Variants in FUT8 observed in about 807,000 individuals in gnomAD.
FUT8 encodes the protein fucosyltransferase 8.
In FUT8, 29 loss-of-function variants were observed where a neutral mutation model predicts 71.3. That is an observed-to-expected ratio of 0.41 (90% confidence interval 0.30 to 0.55). The LOEUF (loss-of-function observed/expected upper bound fraction) is 0.55, where lower values mean the gene tolerates loss of function less well. Among genes scored for constraint, FUT8 ranks in the 20% least tolerant of loss-of-function variants. The probability of loss-of-function intolerance (pLI) is 0.34; values close to 1 mark genes in which losing one functional copy is unlikely to be tolerated. For missense variants in FUT8, 544 were observed against 702.1 expected, an observed-to-expected ratio of 0.77 and a Z score of 2.55; for synonymous variants, 254 against 239.3, an observed-to-expected ratio of 1.06 and a Z score of -0.57.
intron 1 of FUT8, among the ~76,000 whole-genome samples, chr14:65,414,069 A>G (rs933024438): frequency 2.0e-5 from 3 of 152,140 alleles, no homozygotes; most frequent in South Asian, 2.1e-4. Flanking sequence ...TTTCCTTCCT[A>G]TGTTTTAATT....
At chr14:65,552,599 G>T (rs543238953) in intron 2 of FUT8, among the ~76,000 whole-genome samples, 1 of 152,104 alleles carries the variant, frequency 6.6e-6, no homozygotes, top group African/African-American at 2.4e-5. Flanking sequence ...GGATGCTTCC[G>T]AAGTGATCAT....
the FUT8 span, among the ~76,000 whole-genome samples, chr14:65,362,041 G>C: frequency 6.6e-6 from 1 of 152,176 alleles, no homozygotes; most frequent in South Asian, 2.1e-4. Flanking sequence ...TGCCAATGGA[G>C]CTTTGGTTTC....
chr14:65,719,311 C>T (rs1240638305), intron 7 of FUT8, among the ~76,000 whole-genome samples: 1 of 152,022 alleles, frequency 6.6e-6, no homozygotes, highest in Non-Finnish European at 1.5e-5. Flanking sequence ...TTAATTGTTT[C>T]AACCTCTTTG....
intron 2 of FUT8, among the ~76,000 whole-genome samples, chr14:65,512,111 T>C (rs993346828): frequency 6.6e-6 from 1 of 152,182 alleles, no homozygotes; most frequent in African/African-American, 2.4e-5. Context: ...TGTAACACAG[T>C]AGTAAGTATT....
At chr14:65,492,158 GT>G (rs1257556269) in intron 2 of FUT8, among the ~76,000 whole-genome samples, 1 of 152,180 alleles carries the variant, frequency 6.6e-6, no homozygotes, top group Non-Finnish European at 1.5e-5. Context: ...ACATGAAAGT[GT>G]TTTAAAAACC....
chr14:65,629,860 T>C (rs374647346), intron 6 of FUT8, among the ~76,000 whole-genome samples: 1 of 112,264 alleles, frequency 8.9e-6, no homozygotes, highest in Non-Finnish European at 2.1e-5. Context: ...ACACACACAA[T>C]ACAATACAAA....
intron 3 of FUT8, among the ~76,000 whole-genome samples, chr14:65,611,177 A>G (rs1009744872): frequency 7.5e-6 from 1 of 133,030 alleles, no homozygotes; most frequent in African/African-American, 2.7e-5. Context: ...TTACATTTTA[A>G]GTGTCATACA....
intron 2 of FUT8, among the ~76,000 whole-genome samples, chr14:65,526,355 G>A (rs1411772610): frequency 6.6e-6 from 1 of 152,182 alleles, no homozygotes; most frequent in Non-Finnish European, 1.5e-5. Context: ...TTGGTTTAAA[G>A]TCTGTTTTAT....
chr14:65,737,853 G>A (rs1461763938), intron 10 of FUT8, among the ~76,000 whole-genome samples: 4 of 151,836 alleles, frequency 2.6e-5, no homozygotes, highest in Non-Finnish European at 5.9e-5. Flanking sequence ...TTCCAAATCC[G>A]CACGCAATTC....
chr14:65,589,925 G>A (rs1208673267), intron 3 of FUT8, among the ~76,000 whole-genome samples: 1 of 152,116 alleles, frequency 6.6e-6, no homozygotes, highest in African/African-American at 2.4e-5. Flanking sequence ...GAGTACAAAA[G>A]GGGTATACAT....
At chr14:65,577,309 C>G (rs376891062) in intron 3 of FUT8, among the ~76,000 whole-genome samples, 112 of 152,180 alleles carry the variant, frequency 7.4e-4, no homozygotes, top group South Asian at 7.1e-3. Context: ...ATCGGTTATG[C>G]TTAGAAAGGA....
chr14:65,603,905 G>A lies in FUT8; in HGVS notation c.204-12073G>A, dbSNP rs1888435563. ...TGACATAAACTTAAGGTACAGGGGT[G>A]GAAAAAGACATTTCATGCAAATGGA... On this transcript the variant is annotated intron_variant, in intron 3 of 10. Transcript: ENST00000673929. This position sits in a 1 kb window ranked among gnomAD's most constrained non-coding sequence, Gnocchi z 4.5. 2.6e-5 allele frequency among the ~76,000 whole-genome samples: 4 copies of A among 151,668 alleles called. No homozygotes were observed. In the Admixed American group the frequency reaches 2.6e-4, roughly 10 times the overall value.
intron 2 of FUT8, chr14:65,488,358 T>C (rs1336223106): frequency 6.6e-6 from 1 of 152,224 alleles, no homozygotes; most frequent in Non-Finnish European, 1.5e-5. Context: ...TTTTTGATAG[T>C]TGGTTTGCAG....
intron 7 of FUT8, among the ~76,000 whole-genome samples, chr14:65,672,106 G>T (rs548501677): frequency 3.2e-4 from 48 of 152,282 alleles, no homozygotes; most frequent in African/African-American, 1.0e-3. Context: ...ATTATGGTTG[G>T]TGTCTATTTT....
chr14:65,716,381 C>A (rs61987772), intron 7 of FUT8, among the ~76,000 whole-genome samples: 1 of 144,772 alleles, frequency 6.9e-6, no homozygotes, highest in African/African-American at 2.5e-5. Context: ...CCTTCTTTGT[C>A]CCTTTTTTTT....
At chr14:65,729,592 G>A (rs557341291) in intron 9 of FUT8, among the ~76,000 whole-genome samples, 3 of 149,886 alleles carry the variant, frequency 2.0e-5, no homozygotes, top group Non-Finnish European at 3.0e-5. Flanking sequence ...CTCAGCTCAC[G>A]GTAGCCTCGA....
intron 7 of FUT8, among the ~76,000 whole-genome samples, chr14:65,692,788 G>C (rs1230443022): frequency 6.6e-6 from 1 of 151,714 alleles, no homozygotes; most frequent in Non-Finnish European, 1.5e-5. Context: ...TCACTTCTCA[G>C]AGGGGGCGGC....
chr14:65,416,853 G>T (rs1255197716), intron 1 of FUT8, among the ~76,000 whole-genome samples: 1 of 149,746 alleles, frequency 6.7e-6, no homozygotes, highest in African/African-American at 2.5e-5. Flanking sequence ...GCGTGATCAC[G>T]GCTCACTGCA....
At chr14:65,363,423 A>G in the FUT8 span, among the ~76,000 whole-genome samples, 1 of 151,850 alleles carries the variant, frequency 6.6e-6, no homozygotes, top group Non-Finnish European at 1.5e-5. Flanking sequence ...ACCTGGCCTA[A>G]TTTTTGCATT....
Sources: allele counts gnomAD v4.1 joint callset (sites outside exome capture counted in the v4.1 genomes callset), GRCh38; gene constraint gnomAD v4.1.1; non-coding constraint Gnocchi (gnomAD v3.1); transcripts MANE v1.5; gene names NCBI Gene and HGNC (gene_info 2026-07-23, HGNC 2026-07-21).